CRPPA: variants seen among roughly 807,000 people sequenced by gnomAD.
CRPPA encodes CDP-L-ribitol pyrophosphorylase A.
In CRPPA, 43 loss-of-function variants were observed where a neutral mutation model predicts 52.0. The observed-to-expected ratio is 0.83, with a 90% CI of 0.65 to 1.07. CRPPA has a LOEUF of 1.07. Among genes scored for constraint, CRPPA ranks in the 50% least tolerant of loss-of-function variants. CRPPA has a pLI of 0.00. For missense variants in CRPPA, 629 were observed against 551.7 expected (o/e 1.14, Z -1.40); for synonymous variants, 250 against 203.5 (o/e 1.23, Z -1.94).
chr7:16,388,311 A>C (rs530143380), intron 2 of CRPPA, among the ~76,000 whole-genome samples: 1 of 152,338 alleles, frequency 6.6e-6, no homozygotes, highest in South Asian at 2.1e-4. Flanking sequence ...CTAAAAAAAA[A>C]AATGAGCCAA....
chr7:16,286,099 T>TATATATATATATATATAG (rs1562608817), intron 5 of CRPPA, among the ~76,000 whole-genome samples: 4 of 47,950 alleles, frequency 8.3e-5, no homozygotes, highest in African/African-American at 3.8e-4. Context: ...AAAAAAAAAA[T>TATATATATATATATATAG]ATATATATAT....
At chr7:16,252,093 C>A (rs1176440030) in intron 8 of CRPPA, among the ~76,000 whole-genome samples, 1 of 151,766 alleles carries the variant, frequency 6.6e-6, no homozygotes, top group Non-Finnish European at 1.5e-5. Flanking sequence ...CTGACAGAGA[C>A]TCAACAAAAA....
At chr7:16,387,099 A>G (rs866107633) in intron 2 of CRPPA, among the ~76,000 whole-genome samples, 3 of 137,692 alleles carry the variant, frequency 2.2e-5, no homozygotes, top group Non-Finnish European at 3.1e-5. Flanking sequence ...ACACATATAT[A>G]TATGTATATA....
chr7:16,236,950 G>GCACACACACA (rs67679435), intron 8 of CRPPA, among the ~76,000 whole-genome samples: 15 of 149,690 alleles, frequency 1.0e-4, no homozygotes, highest in African/African-American at 3.2e-4. Context: ...TCGTGCGCGC[G>GCACACACACA]CACACACACA....
intron 3 of CRPPA, 150 bp downstream of exon 3, chr7:16,375,942 C>T: frequency 4.3e-6 from 3 of 692,704 alleles, no homozygotes; most frequent in Non-Finnish European, 6.6e-6. Flanking sequence ...TCTGATCCAG[C>T]TCTATAACCT....
At chr7:16,311,269 G>A (rs533714447) in intron 3 of CRPPA, among the ~76,000 whole-genome samples, 2 of 152,098 alleles carry the variant, frequency 1.3e-5, no homozygotes, top group Admixed American at 6.6e-5. Context: ...AATGATATAC[G>A]TCCATCACTG....
intron 2 of CRPPA, among the ~76,000 whole-genome samples, chr7:16,395,346 C>T (rs780947935): frequency 2.6e-5 from 4 of 152,194 alleles, no homozygotes; most frequent in Non-Finnish European, 4.4e-5. Context: ...CAGGCACTAA[C>T]ATGCATTTCT....
chr7:16,381,983 C>G lies in CRPPA; in HGVS notation c.535-5742G>C, dbSNP rs1010878752. Among the ~76,000 whole-genome samples, 63 of 152,122 alleles carry G rather than the reference C, an allele frequency of 4.1e-4. 1 individual carries two copies. The highest frequency in any genetic ancestry group is 1.4e-3 in the African/African-American group (58 of 41,448). On this transcript the variant is annotated intron_variant, in intron 2 of 9. Transcript: ENST00000407010. ...GTGTCTTTTAACTGGAGCATTTAGT[C>G]CATTTACATTTAAAGTTAATATTGT... is the stretch of plus-strand genomic sequence containing the variant.
intron 8 of CRPPA, among the ~76,000 whole-genome samples, chr7:16,230,880 G>A (rs780807530): frequency 1.6e-4 from 25 of 152,170 alleles, no homozygotes; most frequent in Middle Eastern, 3.4e-3. Flanking sequence ...GAAGCGAGGG[G>A]CCACCTGCTG....
At chr7:16,181,543 T>C (rs28690523) in intron 9 of CRPPA, among the ~76,000 whole-genome samples, 5,106 of 152,040 alleles carry the variant, frequency 0.034, 286 homozygotes, top group African/African-American at 0.12. Flanking sequence ...GTATCGAGTA[T>C]ACCAAAACAA....
At chr7:16,183,746 C>T (rs1435104934) in intron 9 of CRPPA, among the ~76,000 whole-genome samples, 3 of 151,954 alleles carry the variant, frequency 2.0e-5, no homozygotes, top group Non-Finnish European at 2.9e-5. Flanking sequence ...TACAATTCTG[C>T]CCCGTTGATA....
At chr7:16,387,457 C>G (rs1211865956) in intron 2 of CRPPA, among the ~76,000 whole-genome samples, 2 of 151,988 alleles carry the variant, frequency 1.3e-5, no homozygotes, top group African/African-American at 4.8e-5. Context: ...AAAATTTTCA[C>G]TTACTACAAA....
At chr7:16,282,468 GAGA>G (rs1784339051) in intron 5 of CRPPA, among the ~76,000 whole-genome samples, 1 of 152,056 alleles carries the variant, frequency 6.6e-6, no homozygotes, top group South Asian at 2.1e-4. Context: ...GATGGAGGAG[GAGA>G]AGGAGAAGAA....
chr7:16,293,058 C>T (rs1784593574), intron 5 of CRPPA, among the ~76,000 whole-genome samples: 1 of 151,866 alleles, frequency 6.6e-6, no homozygotes, highest in East Asian at 1.9e-4. Context: ...TATGCATATG[C>T]CTGTATCAAT....
chr7:16,134,714 G>C (rs1403986861), intron 9 of CRPPA, among the ~76,000 whole-genome samples: 2 of 152,150 alleles, frequency 1.3e-5, no homozygotes, highest in Non-Finnish European at 2.9e-5. Flanking sequence ...AATGATGACA[G>C]AAATGACCTA....
intron 9 of CRPPA, among the ~76,000 whole-genome samples, chr7:16,146,851 C>G (rs905911000): frequency 6.6e-6 from 1 of 152,030 alleles, no homozygotes; most frequent in African/African-American, 2.4e-5. Flanking sequence ...GAGAGAGGAA[C>G]AAAGGAATTA....
intron 8 of CRPPA, among the ~76,000 whole-genome samples, chr7:16,217,611 T>G (rs1226150089): frequency 6.8e-6 from 1 of 145,986 alleles, no homozygotes; most frequent in Non-Finnish European, 1.5e-5. Flanking sequence ...CTGATGGAGC[T>G]GAAAGCCAAG....
chr7:16,209,827 T>C (rs900941469), intron 9 of CRPPA, among the ~76,000 whole-genome samples: 19 of 152,228 alleles, frequency 1.2e-4, no homozygotes, highest in African/African-American at 4.6e-4. Context: ...GGCCATTTTA[T>C]AATCAAATAC....
chr7:16,263,871 C>T (rs1427636341), intron 6 of CRPPA, among the ~76,000 whole-genome samples: 3 of 152,070 alleles, frequency 2.0e-5, no homozygotes, highest in African/African-American at 7.2e-5. Context: ...ACATTTAAAA[C>T]TGCACTTAAA....
Sources: gnomAD v4.1 joint callset for allele counts (sites outside exome capture counted in the v4.1 genomes callset) on GRCh38, gnomAD v4.1.1 for gene constraint, MANE v1.5 for transcripts, NCBI Gene and HGNC (gene_info 2026-07-23, HGNC 2026-07-21) for gene names.